The following CELF2 variants were observed in gnomAD, a reference collection of about 807,000 sequenced individuals.
CELF2 encodes the protein CUG triplet repeat RNA-binding protein 2.
In CELF2, 8 loss-of-function variants were observed where a neutral mutation model predicts 62.6. The observed-to-expected ratio is 0.13, with a 90% CI of 0.07 to 0.23. The LOEUF is 0.23. CELF2 is among the 10% of genes least tolerant of loss of function. The probability of loss-of-function intolerance (pLI) is 1.00; values close to 1 mark genes in which losing one functional copy is unlikely to be tolerated. For synonymous variants in CELF2, 258 were observed against 250.0 expected, an observed-to-expected ratio of 1.03 and a Z score of -0.30; for missense variants, 333 against 671.0, an observed-to-expected ratio of 0.50 and a Z score of 5.56.
chr10:10,671,401 G>C, the CELF2 span, among the ~76,000 whole-genome samples: 2 of 152,156 alleles, frequency 1.3e-5, no homozygotes, highest in African/African-American at 4.8e-5. Flanking sequence ...ACATTTGTGT[G>C]CAAGTTTCTG....
the CELF2 span, among the ~76,000 whole-genome samples, chr10:10,675,393 G>A: frequency 6.6e-6 from 1 of 151,854 alleles, no homozygotes; most frequent in Admixed American, 6.6e-5. Context: ...TTTTCCCTTT[G>A]ACTTTCAGAA....
chr10:10,681,783 C>A, the CELF2 span, among the ~76,000 whole-genome samples: 1 of 152,106 alleles, frequency 6.6e-6, no homozygotes, highest in Non-Finnish European at 1.5e-5. Context: ...ATAGCATATT[C>A]CTCCCAGCTC....
chr10:11,119,001 G>A (rs2057158045), intron 1 of CELF2, among the ~76,000 whole-genome samples: 1 of 152,220 alleles, frequency 6.6e-6, no homozygotes, highest in South Asian at 2.1e-4. Context: ...AGCCAGAGAT[G>A]CTCAGACAGA....
At chr10:11,288,672 C>T in intron 9 of CELF2, 120 bp downstream of exon 9, 1 of 1,100,474 alleles carries the variant, frequency 9.1e-7, no homozygotes, top group Non-Finnish European at 1.3e-6. Context: ...GGATACTATA[C>T]TGGGCTGCTT....
At chr10:11,168,267 T>C (rs2133478922) in intron 2 of CELF2, among the ~76,000 whole-genome samples, 1 of 152,308 alleles carries the variant, frequency 6.6e-6, no homozygotes, top group South Asian at 2.1e-4. Context: ...TACTGTGAAC[T>C]CCAAGTCTCA....
intron 1 of CELF2, among the ~76,000 whole-genome samples, chr10:11,028,381 C>A (rs1041161681): frequency 6.6e-6 from 1 of 151,910 alleles, no homozygotes; most frequent in African/African-American, 2.4e-5. Context: ...TTGCAGAAAC[C>A]CAGCCGTTAA....
At chr10:10,913,180 G>T (rs1236579162) in intron 1 of CELF2, among the ~76,000 whole-genome samples, 3 of 152,046 alleles carry the variant, frequency 2.0e-5, no homozygotes, top group Non-Finnish European at 4.4e-5. Context: ...AGACATGAAG[G>T]CCAAAAAGAA....
chr10:10,716,549 GA>G, the CELF2 span, among the ~76,000 whole-genome samples: 30 of 151,844 alleles, frequency 2.0e-4, no homozygotes, highest in South Asian at 4.2e-4. Context: ...TCAAAAAGGG[GA>G]AAAAAAATCA....
chr10:10,855,878 C>A (rs1412946944), intron 1 of CELF2, among the ~76,000 whole-genome samples: 1 of 152,070 alleles, frequency 6.6e-6, no homozygotes, highest in African/African-American at 2.4e-5. Context: ...AGTAGATATT[C>A]GCTATCTACT....
At chr10:11,192,623 C>G (rs1243621352) in intron 2 of CELF2, among the ~76,000 whole-genome samples, 1 of 152,242 alleles carries the variant, frequency 6.6e-6, no homozygotes, top group Non-Finnish European at 1.5e-5. Context: ...TTTTGGAAAG[C>G]AGTGAGGGAC....
chr10:10,944,749 G>C (rs1210249856), intron 2 of CELF2, among the ~76,000 whole-genome samples: 1 of 151,960 alleles, frequency 6.6e-6, no homozygotes, highest in African/African-American at 2.4e-5. Context: ...TTACAGGTGT[G>C]CACCACCACA....
At position 11,162,528 on chromosome 10, in the gene CELF2, GAGA is replaced by G. The variant is rs1480341731; in HGVS notation, c.75-2952_75-2950del. ...GCTCATGGGTGGCTCTGTAGGAATA[GAGA>G]AGAAGGGAATCTGTGGAGATGGAGA... On this transcript the variant is annotated intron_variant, in intron 1 of 12. Transcript: ENST00000633077. Among the ~76,000 whole-genome samples, 5 of 151,866 alleles carry G rather than the reference GAGA, an allele frequency of 3.3e-5. No individual in the cohort carries two copies. In the East Asian group the frequency reaches 5.8e-4, roughly 18 times the overall value.
chr10:11,171,245 T>C (rs923702737), intron 2 of CELF2: 4 of 152,228 alleles, frequency 2.6e-5, no homozygotes, highest in Non-Finnish European at 5.9e-5. Flanking sequence ...CATGGCTTCT[T>C]TGGGAAGAGT....
chr10:10,912,551 G>A (rs577433084), intron 1 of CELF2, among the ~76,000 whole-genome samples: 12 of 152,250 alleles, frequency 7.9e-5, no homozygotes, highest in African/African-American at 2.9e-4. Flanking sequence ...TCTATTTTTA[G>A]TAGAGAGGGG....
At chr10:11,234,805 A>G (rs1161988535) in intron 3 of CELF2, among the ~76,000 whole-genome samples, 1 of 152,012 alleles carries the variant, frequency 6.6e-6, no homozygotes, top group African/African-American at 2.4e-5. Context: ...TCCGCCCTCC[A>G]CAGACAACAA....
intron 1 of CELF2, among the ~76,000 whole-genome samples, chr10:11,073,067 T>A (rs2070664439): frequency 6.6e-6 from 1 of 152,128 alleles, no homozygotes; most frequent in Non-Finnish European, 1.5e-5. Flanking sequence ...ACAATTATGA[T>A]AAATATAAAT....
the CELF2 span, among the ~76,000 whole-genome samples, chr10:10,564,636 C>T: frequency 0.16 from 22,973 of 141,204 alleles, 1,969 homozygotes; most frequent in East Asian, 0.34. Context: ...GTCTTGTTAA[C>T]TGAATACACA....
chr10:10,865,823 AG>A (rs1458921147), intron 1 of CELF2, among the ~76,000 whole-genome samples: 1 of 152,072 alleles, frequency 6.6e-6, no homozygotes, highest in African/African-American at 2.4e-5. Flanking sequence ...GGAAAAAAAA[AG>A]ATTTTTTTTT....
intron 1 of CELF2, among the ~76,000 whole-genome samples, chr10:10,884,182 G>A (rs1198676918): frequency 4.6e-5 from 7 of 152,240 alleles, no homozygotes; most frequent in South Asian, 2.1e-4. Flanking sequence ...GTGAGTAAAC[G>A]ATCATCTTGA....
Sources: allele counts gnomAD v4.1 joint callset (sites outside exome capture counted in the v4.1 genomes callset), GRCh38; gene constraint gnomAD v4.1.1; transcripts MANE v1.5; gene names NCBI Gene and HGNC (gene_info 2026-07-23, HGNC 2026-07-21).